The following DAPK1 variants were observed in gnomAD, a reference collection of about 807,000 sequenced individuals.
DAPK1 encodes death associated protein kinase 1, also known as death-associated protein kinase 1.
A neutral mutation model predicts 144.9 loss-of-function variants in DAPK1; 56 were observed. The observed-to-expected ratio is 0.39, with a 90% CI of 0.31 to 0.48. The LOEUF is 0.48. Ranked by LOEUF, DAPK1 falls within the 20% of genes least tolerant of loss-of-function variation. The pLI, the probability that DAPK1 is intolerant of heterozygous loss-of-function variation, is 0.95. For missense variants in DAPK1, 1,454 were observed against 1,875.4 expected (o/e 0.78, Z 4.15); for synonymous variants, 690 against 749.0 (o/e 0.92, Z 1.29).
intron 2 of DAPK1, chr9:87,554,561 T>G (rs1826628958): frequency 6.6e-6 from 1 of 152,170 alleles, no homozygotes; most frequent in African/African-American, 2.4e-5. Flanking sequence ...AGAAGATGGA[T>G]GGGACCACCC....
chr9:87,543,299 A>C (rs1826121920), intron 2 of DAPK1, among the ~76,000 whole-genome samples: 1 of 152,216 alleles, frequency 6.6e-6, no homozygotes, highest in Non-Finnish European at 1.5e-5. Context: ...CACAAAAACA[A>C]AATTATAATA....
chr9:87,588,139 G>T (rs189116363), intron 2 of DAPK1, among the ~76,000 whole-genome samples: 1 of 152,358 alleles, frequency 6.6e-6, no homozygotes, highest in African/African-American at 2.4e-5. Context: ...TGCCTCCAAA[G>T]TGCATAAGTC....
At chr9:87,697,521 T>C (rs758231410) in intron 22 of DAPK1, among the ~76,000 whole-genome samples, 2 of 152,240 alleles carry the variant, frequency 1.3e-5, no homozygotes, top group South Asian at 4.1e-4. Context: ...TCACTTTTTT[T>C]CTACACTTGA....
intron 2 of DAPK1, 83 bp from the exon 3 acceptor site, chr9:87,604,871 T>TC: frequency 8.1e-7 from 1 of 1,239,754 alleles, no homozygotes; most frequent in Non-Finnish European, 1.1e-6. Flanking sequence ...AGTTCTCTTG[T>TC]CCCCCTCTGC....
chr9:87,681,686 T>C (rs752407096), intron 20 of DAPK1, 60 bp downstream of exon 20: 5 of 855,168 alleles, frequency 5.8e-6, no homozygotes, highest in Admixed American at 5.7e-5. Context: ...CACTCTCTCC[T>C]TTCAAGGTCT....
intron 2 of DAPK1, among the ~76,000 whole-genome samples, chr9:87,516,219 TTG>T (rs999592400): frequency 6.6e-6 from 1 of 152,152 alleles, no homozygotes; most frequent in African/African-American, 2.4e-5. Context: ...AATTTTTCCC[TTG>T]TGTCTCTACT....
chr9:87,675,848 TACACACAC>T (rs763359644), intron 19 of DAPK1, among the ~76,000 whole-genome samples: 276 of 117,332 alleles, frequency 2.4e-3, no homozygotes, highest in Middle Eastern at 5.0e-3. Context: ...CATTCTACCC[TACACACAC>T]ACACACACAC....
intron 17 of DAPK1, among the ~76,000 whole-genome samples, chr9:87,655,840 C>A (rs919752411): frequency 6.6e-6 from 1 of 152,220 alleles, no homozygotes; most frequent in Non-Finnish European, 1.5e-5. Flanking sequence ...ACAGAAGGCA[C>A]GCTGTGCACA....
chr9:87,558,342 A>T (rs1230298125), intron 2 of DAPK1, among the ~76,000 whole-genome samples: 1 of 152,214 alleles, frequency 6.6e-6, no homozygotes, highest in Non-Finnish European at 1.5e-5. Flanking sequence ...ACTGGACTGC[A>T]TTGCACCCCT....
chr9:87,704,351 G>T (rs1303697316), intron 25 of DAPK1, among the ~76,000 whole-genome samples: 1 of 152,138 alleles, frequency 6.6e-6, no homozygotes, highest in Non-Finnish European at 1.5e-5. Context: ...ATATCATATA[G>T]TCTCCTTTAT....
At chr9:87,662,742 T>G (rs36215049) in intron 18 of DAPK1, among the ~76,000 whole-genome samples, 354 of 152,110 alleles carry the variant, frequency 2.3e-3, no homozygotes, top group African/African-American at 8.3e-3. Context: ...CTCAGGGTTT[T>G]CTAGATATAA....
chr9:87,660,927 C>T (rs976662803), intron 18 of DAPK1, among the ~76,000 whole-genome samples: 9 of 152,228 alleles, frequency 5.9e-5, no homozygotes, highest in African/African-American at 2.4e-5. Flanking sequence ...TCACTGCAAC[C>T]TCTGCCTCCC....
chr9:87,690,407 T>A (rs535200254), intron 21 of DAPK1, among the ~76,000 whole-genome samples: 3 of 152,184 alleles, frequency 2.0e-5, no homozygotes, highest in East Asian at 1.9e-4. Context: ...ATCTAAGAGT[T>A]TTTTGGTGGA....
intron 2 of DAPK1, among the ~76,000 whole-genome samples, chr9:87,600,114 T>A (rs1160039048): frequency 6.6e-6 from 1 of 152,182 alleles, no homozygotes; most frequent in Non-Finnish European, 1.5e-5. Flanking sequence ...CTAAATGGGC[T>A]GCGGAGAGCA....
intron 25 of DAPK1, among the ~76,000 whole-genome samples, chr9:87,703,881 C>T (rs1825544602): frequency 6.6e-6 from 1 of 152,180 alleles, no homozygotes; most frequent in African/African-American, 2.4e-5. Context: ...GCAGTGCCTT[C>T]GTGTTTCTCC....
chr9:87,587,961 GC>G (rs1439054514), intron 2 of DAPK1, among the ~76,000 whole-genome samples: 1 of 152,234 alleles, frequency 6.6e-6, no homozygotes, highest in East Asian at 1.9e-4. Flanking sequence ...TGTTGAAAGA[GC>G]TTTACATGTA....
At position 87,706,802 on chromosome 9, in the gene DAPK1, A is replaced by G. The variant is rs1332254428; in HGVS notation, c.3731A>G (p.Glu1244Gly). 6.2e-7 allele frequency: 1 copy of G among 1,613,478 alleles called. No individual in the cohort carries two copies. The highest frequency in any genetic ancestry group is 1.7e-5 in the Admixed American group (1 of 60,026). The change falls in exon 26 of 26, where the codon GAG becomes GGG. Residue 1244 changes from glutamate to glycine, a missense_variant. By Grantham distance (98) the Glu-to-Gly change is moderately conservative. Around this residue, in one of 2 missense-constraint regions of DAPK1, gnomAD observed 1,025 missense variants for 1,237.9 expected, o/e 0.83. Coordinates refer to ENST00000408954, the MANE Select transcript of DAPK1 (RefSeq NM_004938.4). The surrounding 1 kb of genome is among the most constrained non-coding windows in gnomAD (Gnocchi z 9.0). ...TACCTGAGCCCCCAGCAGCTGCGGG[A>G]GCACCATGAGCCCGTCATGATCTAC... ...KHYLSPQQLR[E>G]HHEPVMIYQP...
In DAPK1 at chr9:87,657,614, C is replaced by T. The variant is rs141263156; in HGVS notation, c.1825-415C>T. 6.6e-5 allele frequency: 14 copies of T among 213,184 alleles called. 1 individual carries two copies. In the East Asian group the frequency reaches 1.9e-3, roughly 29 times the overall value. The allele number at this position is 213,184 out of a possible 1,614,324, so 13.2% of individuals were successfully genotyped here. A position where few individuals can be genotyped will look rare whatever the true frequency, so the allele number is the denominator to read the frequency against. On this transcript the variant is annotated intron_variant, in intron 17 of 25. Coordinates refer to ENST00000408954, the MANE Select transcript of DAPK1 (RefSeq NM_004938.4). Reference sequence around the variant, plus strand: ...TGGCACACAATTTGGGAACCATAGGCACAAACAAGGCTTATGGGCTTGTCC... The same window carrying T: ...TGGCACACAATTTGGGAACCATAGGTACAAACAAGGCTTATGGGCTTGTCC...
intron 3 of DAPK1, among the ~76,000 whole-genome samples, chr9:87,612,744 C>T (rs1483318748): frequency 6.6e-6 from 1 of 152,180 alleles, no homozygotes; most frequent in African/African-American, 2.4e-5. Flanking sequence ...TGACGCAATA[C>T]ATACATCTCA....
Sources: gnomAD v4.1 joint callset for allele counts (sites outside exome capture counted in the v4.1 genomes callset) on GRCh38, gnomAD v4.1.1 for gene constraint, gnomAD v4.1.1 regional missense constraint, Gnocchi (gnomAD v3.1) non-coding constraint, MANE v1.5 for transcripts, NCBI Gene and HGNC (gene_info 2026-07-23, HGNC 2026-07-21) for gene names.